The following ADAD1 variants were observed in gnomAD, a reference collection of about 807,000 sequenced individuals.
ADAD1 encodes adenosine deaminase domain-containing protein 1.
ADAD1 carries 46 observed loss-of-function variants against 66.8 expected under a neutral mutation model. That is an observed-to-expected ratio of 0.69 (90% CI 0.54 to 0.88). The LOEUF (loss-of-function observed/expected upper bound fraction) is 0.88, where lower values mean the gene tolerates loss of function less well. Among genes scored for constraint, ADAD1 ranks in the 40% least tolerant of loss-of-function variants. ADAD1 has a pLI of 0.00. For synonymous variants in ADAD1, 248 were observed against 229.4 expected (o/e 1.08, Z -0.73); for missense variants, 617 against 681.8 (o/e 0.91, Z 1.06).
intron 7 of ADAD1, among the ~76,000 whole-genome samples, chr4:122,399,740 C>CT (rs145100591): frequency 0.045 from 4,953 of 110,520 alleles, 274 homozygotes; most frequent in African/African-American, 0.15. Context: ...ATTTTCTTTT[C>CT]TTTTTTTTTT....
intron 5 of ADAD1, among the ~76,000 whole-genome samples, chr4:122,392,651 C>T (rs1795503823): frequency 6.6e-6 from 1 of 152,148 alleles, no homozygotes; most frequent in African/African-American, 2.4e-5. Context: ...CAGCATCATG[C>T]AGTATTCCCA....
At chr4:122,404,374 G>A (rs900098670) in intron 7 of ADAD1, among the ~76,000 whole-genome samples, 9 of 152,002 alleles carry the variant, frequency 5.9e-5, no homozygotes, top group South Asian at 2.1e-4. Context: ...GGCTCTTCCC[G>A]CTGTTGGTCT....
intron 7 of ADAD1, among the ~76,000 whole-genome samples, chr4:122,402,911 A>G (rs1328234171): frequency 6.6e-6 from 1 of 151,856 alleles, no homozygotes; most frequent in Non-Finnish European, 1.5e-5. Flanking sequence ...TATGTTTTTA[A>G]TTTCTTTAAG....
intron 11 of ADAD1, among the ~76,000 whole-genome samples, chr4:122,418,126 A>G (rs962167991): frequency 6.6e-6 from 1 of 152,022 alleles, no homozygotes; most frequent in African/African-American, 2.4e-5. Context: ...AAAATCACCA[A>G]TGTCATATAA....
At chr4:122,395,751 T>A (rs970915790) in intron 6 of ADAD1, among the ~76,000 whole-genome samples, 5 of 152,212 alleles carry the variant, frequency 3.3e-5, no homozygotes, top group African/African-American at 1.2e-4. Context: ...TACTTAGAGC[T>A]ATCCTCCTCC....
At chr4:122,427,365 T>C (rs1797291626) in intron 12 of ADAD1, among the ~76,000 whole-genome samples, 2 of 152,224 alleles carry the variant, frequency 1.3e-5, no homozygotes, top group East Asian at 1.9e-4. Context: ...CCTAAGTAAA[T>C]GGAGAGATGT....
chr4:122,380,515 TACTGG>T, intron 3 of ADAD1: 1 of 429,518 alleles, frequency 2.3e-6, no homozygotes, highest in East Asian at 4.4e-5. Flanking sequence ...CAAGGGAAGA[TACTGG>T]ACTTACACTG....
At chr4:122,394,393 A>C (rs1339554067) in intron 6 of ADAD1, among the ~76,000 whole-genome samples, 2 of 152,196 alleles carry the variant, frequency 1.3e-5, no homozygotes, top group African/African-American at 4.8e-5. Context: ...TTCAGACTTT[A>C]AAGTTTAGAG....
chr4:122,414,623 CA>C (rs966058237), intron 10 of ADAD1, among the ~76,000 whole-genome samples: 58 of 152,120 alleles, frequency 3.8e-4, no homozygotes, highest in African/African-American at 1.2e-3. Context: ...CATAAGGACA[CA>C]AAACTTTATT....
At chr4:122,415,855 A>G (rs1157651432) in intron 11 of ADAD1, among the ~76,000 whole-genome samples, 1 of 152,170 alleles carries the variant, frequency 6.6e-6, no homozygotes, top group African/African-American at 2.4e-5. Flanking sequence ...CTGAAATTAC[A>G]TACTAAATGG....
intron 11 of ADAD1, among the ~76,000 whole-genome samples, chr4:122,419,042 G>T (rs1490778759): frequency 2.0e-5 from 3 of 152,102 alleles, no homozygotes; most frequent in Non-Finnish European, 2.9e-5. Context: ...ATACCCCAAG[G>T]AATATAAATC....
At chr4:122,418,082 A>C (rs907973861) in intron 11 of ADAD1, among the ~76,000 whole-genome samples, 1 of 152,094 alleles carries the variant, frequency 6.6e-6, no homozygotes, top group African/African-American at 2.4e-5. Flanking sequence ...TAAAAAACAA[A>C]AAAGTCAGAA....
At chr4:122,395,596 G>A (rs1795669128) in intron 6 of ADAD1, among the ~76,000 whole-genome samples, 1 of 151,386 alleles carries the variant, frequency 6.6e-6, no homozygotes, top group Non-Finnish European at 1.5e-5. Context: ...CAGAAGAATC[G>A]CTTGAACCCG....
chr4:122,398,676 G>T (rs995617416), intron 7 of ADAD1, among the ~76,000 whole-genome samples: 1 of 152,046 alleles, frequency 6.6e-6, no homozygotes, highest in African/African-American at 2.4e-5. Context: ...CAGTCTTGCA[G>T]GAGTAAGGTG....
chr4:122,387,752 T>G (rs549994022), intron 5 of ADAD1, among the ~76,000 whole-genome samples: 7 of 150,166 alleles, frequency 4.7e-5, no homozygotes, highest in African/African-American at 1.5e-4. Flanking sequence ...TTTTTTTTTT[T>G]TGTTTTTTGT....
At chr4:122,389,734 G>A (rs957744312) in intron 5 of ADAD1, among the ~76,000 whole-genome samples, 3 of 151,756 alleles carry the variant, frequency 2.0e-5, no homozygotes, top group African/African-American at 7.3e-5. Flanking sequence ...CCTTTATTTT[G>A]AGCCTGTGTG....
intron 7 of ADAD1, among the ~76,000 whole-genome samples, chr4:122,404,330 A>T (rs1052567530): frequency 6.6e-6 from 1 of 152,188 alleles, no homozygotes; most frequent in Non-Finnish European, 1.5e-5. Flanking sequence ...GCCAGGGATG[A>T]CTTCCATAGG....
At chr4:122,392,512 G>A (rs890943995) in intron 5 of ADAD1, among the ~76,000 whole-genome samples, 4 of 152,168 alleles carry the variant, frequency 2.6e-5, no homozygotes, top group African/African-American at 9.7e-5. Context: ...CATTAAGCAT[G>A]TGTAGCCATA....
rs1473264732 is a variant in ADAD1 at position 122,412,618 on chromosome 4, A to G, written c.1058A>G (p.Asn353Ser). 5.0e-6 allele frequency: 8 copies of G among 1,613,802 alleles called. No homozygotes were observed. In the African/African-American group the frequency reaches 5.3e-5, roughly 11 times the overall value. ...CATTCTATATCTGCATTTGAAGCCA[A>G]TGAAGAACTCTGTCTCCACGTGGCT... is the stretch of plus-strand genomic sequence containing the variant. ...NPHSISAFEA[N>S]EELCLHVAVE... is the part of the protein sequence containing the mutation. Residue 353 changes from asparagine (N) to serine (S), a missense_variant, in exon 10 of 13, where the codon AAT (asparagine) becomes AGT (serine). Coordinates refer to ENST00000296513, the MANE Select transcript of ADAD1 (RefSeq NM_139243.4).
Sources: gnomAD v4.1 joint callset for allele counts (sites outside exome capture counted in the v4.1 genomes callset) on GRCh38, gnomAD v4.1.1 for gene constraint, MANE v1.5 for transcripts, NCBI Gene and HGNC (gene_info 2026-07-23, HGNC 2026-07-21) for gene names.